Variants in SNX29 observed in about 807,000 individuals in gnomAD.
SNX29 encodes the protein sorting nexin 29.
SNX29 carries 78 observed loss-of-function variants against 102.1 expected under a neutral mutation model. The observed-to-expected ratio is 0.76, with a 90% CI of 0.64 to 0.92. The LOEUF is 0.92. Ranked by LOEUF, SNX29 falls within the 40% of genes least tolerant of loss-of-function variation. The pLI, the probability that SNX29 is intolerant of heterozygous loss-of-function variation, is 0.00. For missense variants in SNX29, 1,280 were observed against 1,061.7 expected, an observed-to-expected ratio of 1.21 and a Z score of -2.86; for synonymous variants, 580 against 414.5, an observed-to-expected ratio of 1.40 and a Z score of -4.85.
rs534706039 is a variant in SNX29, at chr16:12,568,774, C to T, written c.*145C>T. The T allele has an allele frequency of 2.5e-4, 325 of 1,274,816 alleles. No homozygotes were observed. Among genetic ancestry groups the T allele is most frequent in the Non-Finnish European group, 3.3e-4 (309 of 945,646 alleles). 79.0% of individuals were successfully genotyped at this position (1,274,816 alleles called of 1,614,324 possible). A position where few individuals can be genotyped will look rare whatever the true frequency, so the allele number is the denominator to read the frequency against. On this transcript the variant is annotated 3_prime_UTR_variant, in exon 21 of 21. Coordinates refer to ENST00000566228, the MANE Select transcript of SNX29 (RefSeq NM_032167.5). ...CACGATTCCCAACAGTTACACAACA[C>T]CCCGATTAAACTAATCAGTCTTCGA...
At chr16:12,356,325 C>G in intron 16 of SNX29, 46 bp downstream of exon 16, 1 of 1,515,362 alleles carries the variant, frequency 6.6e-7, no homozygotes, top group Non-Finnish European at 9.0e-7. Flanking sequence ...CTCTGCTGCC[C>G]ACAGCCCAGT....
At chr16:12,439,581 C>T (rs887866264) in intron 18 of SNX29, among the ~76,000 whole-genome samples, 11 of 152,306 alleles carry the variant, frequency 7.2e-5, no homozygotes, top group African/African-American at 2.4e-4. Context: ...AGCATCAGAT[C>T]TCGTGAGACT....
chr16:12,352,966 A>G (rs9929445), intron 15 of SNX29, among the ~76,000 whole-genome samples: 6,560 of 152,172 alleles, frequency 0.043, 285 homozygotes, highest in African/African-American at 0.1. Flanking sequence ...CCTGGTGGGG[A>G]TATAGGCGTG....
rs142215632 is a variant in SNX29, at chr16:12,348,680, C to T, written c.1783-7483C>T. 2.0e-4 allele frequency among the ~76,000 whole-genome samples: 30 copies of T among 152,254 alleles called. 1 individual carries two copies. The highest frequency in any genetic ancestry group is 1.4e-3 in the Admixed American group (22 of 15,294). On this transcript the variant is annotated intron_variant, in intron 15 of 20. Coordinates refer to ENST00000566228, the MANE Select transcript of SNX29 (RefSeq NM_032167.5). ...TGCTAGCTCAGCATCACAGTGATGG[C>T]GTATGCTGAGAGGGAGGAGAGAGGA...
chr16:12,154,947 A>C (rs150380529), intron 13 of SNX29, among the ~76,000 whole-genome samples: 1 of 152,226 alleles, frequency 6.6e-6, no homozygotes, highest in Admixed American at 6.5e-5. Context: ...GCATTTCAGC[A>C]TATGAATTTG....
chr16:12,373,557 G>A (rs1364077303), intron 16 of SNX29: 1 of 152,132 alleles, frequency 6.6e-6, no homozygotes, highest in African/African-American at 2.4e-5. Flanking sequence ...CATAAACTTG[G>A]TTAAAATAGC....
chr16:12,184,739 T>G (rs1319907066), intron 13 of SNX29, among the ~76,000 whole-genome samples: 1 of 152,210 alleles, frequency 6.6e-6, no homozygotes, highest in Non-Finnish European at 1.5e-5. Context: ...CCTTCTGTAG[T>G]TCTCATGTAA....
chr16:12,266,805 C>G (rs1376543889), intron 14 of SNX29, among the ~76,000 whole-genome samples: 1 of 152,042 alleles, frequency 6.6e-6, no homozygotes, highest in Non-Finnish European at 1.5e-5. Context: ...GCTCTGCCAC[C>G]CAGGCTGAAG....
At chr16:12,193,851 CTG>C (rs1210394496) in intron 13 of SNX29, among the ~76,000 whole-genome samples, 6 of 152,180 alleles carry the variant, frequency 3.9e-5, no homozygotes, top group African/African-American at 1.2e-4. Context: ...TGGTGTGTGT[CTG>C]TCATTTTGCC....
chr16:12,247,810 AG>A (rs1225533621), intron 14 of SNX29, among the ~76,000 whole-genome samples: 1 of 152,208 alleles, frequency 6.6e-6, no homozygotes, highest in Non-Finnish European at 1.5e-5. Flanking sequence ...GTCTTCCAAA[AG>A]TAAACCAGTT....
chr16:12,074,147 T>C (rs2051433021), intron 10 of SNX29, among the ~76,000 whole-genome samples: 1 of 150,990 alleles, frequency 6.6e-6, no homozygotes, highest in South Asian at 2.1e-4. Flanking sequence ...TGTCTTTTAA[T>C]TGGAGCATTT....
intron 1 of SNX29, among the ~76,000 whole-genome samples, chr16:11,995,553 C>T (rs1332828897): frequency 2.6e-5 from 4 of 151,566 alleles, no homozygotes; most frequent in Admixed American, 2.0e-4. Flanking sequence ...CTTTTCTTCC[C>T]CCCCCACCCC....
chr16:12,054,849 A>G (rs911453431), intron 8 of SNX29, among the ~76,000 whole-genome samples: 2 of 152,174 alleles, frequency 1.3e-5, no homozygotes, highest in Admixed American at 6.5e-5. Context: ...ACATATTATG[A>G]CTTGTGAAAT....
chr16:12,139,066 G>A (rs1251541017), intron 13 of SNX29, among the ~76,000 whole-genome samples: 1 of 151,964 alleles, frequency 6.6e-6, no homozygotes, highest in Non-Finnish European at 1.5e-5. Context: ...GCTGGGTGTT[G>A]TGGTGTGTAC....
chr16:12,005,377 GA>G (rs1227528558), intron 3 of SNX29, among the ~76,000 whole-genome samples: 1 of 152,052 alleles, frequency 6.6e-6, no homozygotes, highest in African/African-American at 2.4e-5. Context: ...ATATGTGCAT[GA>G]GTGTGTGTGT....
Position 12,221,729 on chromosome 16 carries a change from A to G in SNX29, c.1678+22046A>G, listed in dbSNP as rs1200398401. ...GAAGTATTGGGAAGGGAAGGACTGA[A>G]CATCCGTCGCATTTGCTGGAAAATT... On this transcript the variant is annotated intron_variant, in intron 14 of 20. Transcript: ENST00000566228. Among the ~76,000 whole-genome samples the G allele has an allele frequency of 3.3e-5, 5 of 152,194 alleles. 1 individual carries two copies. The South Asian group carries it at 1.0e-3, about 31-fold the overall frequency.
intron 11 of SNX29, among the ~76,000 whole-genome samples, chr16:12,103,862 G>A (rs1399835875): frequency 6.6e-6 from 1 of 152,128 alleles, no homozygotes; most frequent in Non-Finnish European, 1.5e-5. Flanking sequence ...AACAAGGAAA[G>A]TGTATTCTTA....
At chr16:12,112,743 CCA>C (rs1166937379) in intron 11 of SNX29, among the ~76,000 whole-genome samples, 2 of 152,206 alleles carry the variant, frequency 1.3e-5, no homozygotes, top group East Asian at 3.8e-4. Flanking sequence ...TGTTCAGTTT[CCA>C]GTTATATTTT....
At chr16:12,296,954 G>A (rs1343572599) in intron 15 of SNX29, among the ~76,000 whole-genome samples, 6 of 152,170 alleles carry the variant, frequency 3.9e-5, no homozygotes, top group African/African-American at 1.4e-4. Context: ...GATGTTTCAC[G>A]GCATGCCTGG....
Sources: allele counts gnomAD v4.1 joint callset (sites outside exome capture counted in the v4.1 genomes callset), GRCh38; gene constraint gnomAD v4.1.1; transcripts MANE v1.5; gene names NCBI Gene and HGNC (gene_info 2026-07-23, HGNC 2026-07-21).